The following FAM81A variants were observed in gnomAD, a reference collection of about 807,000 sequenced individuals.
FAM81A encodes family with sequence similarity 81 member A, also known as protein FAM81A.
A neutral mutation model predicts 46.7 loss-of-function variants in FAM81A; 19 were observed. The observed-to-expected ratio is 0.41, with a 90% CI of 0.28 to 0.60. The LOEUF (loss-of-function observed/expected upper bound fraction) is 0.60, where lower values mean the gene tolerates loss of function less well. Among genes scored for constraint, FAM81A ranks in the 20% least tolerant of loss-of-function variants. The pLI is 0.34. For synonymous variants in FAM81A, 183 were observed against 152.9 expected (o/e 1.20, Z -1.45); for missense variants, 377 against 453.5 (o/e 0.83, Z 1.53).
chr15:59,400,463 C>G (rs911513498), intron 1 of FAM81A, among the ~76,000 whole-genome samples: 2 of 152,172 alleles, frequency 1.3e-5, no homozygotes, highest in African/African-American at 2.4e-5. Flanking sequence ...CTCAGACCCC[C>G]CTACCCCATG....
At chr15:59,505,379 A>G (rs1429401228) in intron 4 of FAM81A, among the ~76,000 whole-genome samples, 1 of 151,884 alleles carries the variant, frequency 6.6e-6, no homozygotes, top group African/African-American at 2.4e-5. Context: ...AGGCATGGTG[A>G]TGTGTACCTG....
intron 3 of FAM81A, among the ~76,000 whole-genome samples, chr15:59,469,487 T>G (rs1275714934): frequency 6.6e-6 from 1 of 152,126 alleles, no homozygotes; most frequent in African/African-American, 2.4e-5. Context: ...TCTCTTTTGA[T>G]CTTTGTTGGT....
chr15:59,473,650 G>C (rs1459802630), intron 3 of FAM81A, among the ~76,000 whole-genome samples: 1 of 152,122 alleles, frequency 6.6e-6, no homozygotes, highest in South Asian at 2.1e-4. Context: ...CTAGAGATGG[G>C]AGTCAGTCTA....
At chr15:59,439,295 G>T (rs754286197) in intron 1 of FAM81A, among the ~76,000 whole-genome samples, 26 of 151,750 alleles carry the variant, frequency 1.7e-4, no homozygotes, top group Non-Finnish European at 2.8e-4. Flanking sequence ...AAAATAAGAG[G>T]TTTGTAGAGT....
intron 3 of FAM81A, among the ~76,000 whole-genome samples, chr15:59,464,248 T>C (rs2141656566): frequency 6.6e-6 from 1 of 152,358 alleles, no homozygotes; most frequent in South Asian, 2.1e-4. Context: ...TTCCATATCT[T>C]GGCTATTATG....
At chr15:59,493,714 A>G (rs2082004951) in intron 4 of FAM81A, among the ~76,000 whole-genome samples, 1 of 151,984 alleles carries the variant, frequency 6.6e-6, no homozygotes, top group Non-Finnish European at 1.5e-5. Context: ...CAGCCTCCCG[A>G]GTAGCTGAGA....
intron 2 of FAM81A, among the ~76,000 whole-genome samples, chr15:59,423,376 G>A (rs1160153900): frequency 6.6e-6 from 1 of 152,216 alleles, no homozygotes; most frequent in Non-Finnish European, 1.5e-5. Context: ...GGGATTACAG[G>A]CGTGAGCCAT....
At chr15:59,487,188 T>C (rs913087919) in intron 3 of FAM81A, among the ~76,000 whole-genome samples, 11 of 146,594 alleles carry the variant, frequency 7.5e-5, no homozygotes, top group South Asian at 4.2e-4. Context: ...ATATATATAT[T>C]TTATATATAT....
chr15:59,515,445 C>G (rs998988352), intron 7 of FAM81A, among the ~76,000 whole-genome samples: 1 of 152,058 alleles, frequency 6.6e-6, no homozygotes, highest in Non-Finnish European at 1.5e-5. Flanking sequence ...TGACTCTGCT[C>G]TCTCCAGATG....
chr15:59,426,970 A>G (rs28890483), intron 2 of FAM81A, among the ~76,000 whole-genome samples: 32,347 of 152,178 alleles, frequency 0.21, 4,548 homozygotes, highest in East Asian at 0.43. Context: ...ACATATCACT[A>G]GTTCATCTAT....
chr15:59,421,786 T>TAC (rs1407197253), intron 2 of FAM81A, among the ~76,000 whole-genome samples: 173 of 143,414 alleles, frequency 1.2e-3, no homozygotes, highest in Middle Eastern at 3.7e-3. Flanking sequence ...TATCTATCTA[T>TAC]CTATCTACCT....
intron 2 of FAM81A, among the ~76,000 whole-genome samples, chr15:59,429,110 C>T (rs1447461302): frequency 6.6e-6 from 1 of 152,110 alleles, no homozygotes; most frequent in Non-Finnish European, 1.5e-5. Flanking sequence ...AAATAAGTTT[C>T]CCTCAGGATT....
In FAM81A at chr15:59,440,709, G is replaced by T. The variant is rs531103240; in HGVS notation, c.-78+2427G>T. Among the ~76,000 whole-genome samples the T allele has an allele frequency of 1.4e-4, 22 of 152,216 alleles. No individual in the cohort carries two copies. The South Asian group carries it at 4.6e-3, about 32-fold the overall frequency. On this transcript the variant is annotated intron_variant, in intron 1 of 8. Transcript: ENST00000288228. ...CATACTGCTCTGGATTTTAACCATC[G>T]CTGAGGACCCTGGTCCCTTAAGCAC... is the stretch of plus-strand genomic sequence containing the variant.
intron 1 of FAM81A, among the ~76,000 whole-genome samples, chr15:59,442,618 C>CAAAAAAAAAAAAAAAAAAAAAA (rs1196305104): frequency 1.7e-4 from 13 of 76,672 alleles, no homozygotes; most frequent in African/African-American, 2.8e-4. Context: ...CTCCGTCTCT[C>CAAAAAAAAAAAAAAAAAAAAAA]AAAAAAAAAA....
intron 1 of FAM81A, among the ~76,000 whole-genome samples, chr15:59,455,817 C>G (rs1211871774): frequency 1.3e-5 from 2 of 152,164 alleles, no homozygotes; most frequent in African/African-American, 2.4e-5. Flanking sequence ...AGTCCCCATT[C>G]TTTCAGATAC....
At chr15:59,474,735 A>G (rs550643914) in intron 3 of FAM81A, among the ~76,000 whole-genome samples, 8 of 152,366 alleles carry the variant, frequency 5.3e-5, no homozygotes, top group Admixed American at 2.6e-4. Context: ...CTATGAGGTT[A>G]TCAATGCAAA....
intron 4 of FAM81A, among the ~76,000 whole-genome samples, chr15:59,504,895 T>C (rs1445674223): frequency 1.3e-5 from 2 of 152,222 alleles, no homozygotes. Context: ...GATTTTATAT[T>C]TATCATTGGT....
intron 2 of FAM81A, among the ~76,000 whole-genome samples, chr15:59,421,273 C>A (rs1267082194): frequency 6.6e-6 from 1 of 152,146 alleles, no homozygotes; most frequent in African/African-American, 2.4e-5. Flanking sequence ...AAAGGCAGAT[C>A]CCTGACAGCT....
At chr15:59,428,413 ATATTATTATTATTATTATTATTAT>A (rs143696862) in intron 2 of FAM81A, among the ~76,000 whole-genome samples, 11 of 140,720 alleles carry the variant, frequency 7.8e-5, no homozygotes, top group Non-Finnish European at 1.1e-4. Context: ...ATTCTTTTTG[ATATTATTATTATTATTATTATTAT>A]TATTATTATT....
Sources: allele counts gnomAD v4.1 joint callset (sites outside exome capture counted in the v4.1 genomes callset), GRCh38; gene constraint gnomAD v4.1.1; transcripts MANE v1.5; gene names NCBI Gene and HGNC (gene_info 2026-07-23, HGNC 2026-07-21).